MFSD6: variants seen among roughly 807,000 people sequenced by gnomAD.
MFSD6 encodes the protein major facilitator superfamily domain-containing protein 6.
MFSD6 carries 26 observed loss-of-function variants against 56.3 expected under a neutral mutation model. That is an observed-to-expected ratio of 0.46 (90% CI 0.34 to 0.64). MFSD6 has a LOEUF of 0.64. Among genes scored for constraint, MFSD6 ranks in the 30% least tolerant of loss-of-function variants. The pLI, the probability that MFSD6 is intolerant of heterozygous loss-of-function variation, is 0.01. For synonymous variants in MFSD6, 331 were observed against 366.9 expected, an observed-to-expected ratio of 0.90 and a Z score of 1.12; for missense variants, 750 against 986.2, an observed-to-expected ratio of 0.76 and a Z score of 3.21.
chr2:190,414,894 T>A (rs991257970), intron 1 of MFSD6, among the ~76,000 whole-genome samples: 2 of 152,212 alleles, frequency 1.3e-5, no homozygotes, highest in Non-Finnish European at 2.9e-5. Flanking sequence ...CTACATAGAT[T>A]TACAAATATA....
intron 4 of MFSD6, among the ~76,000 whole-genome samples, chr2:190,478,366 G>A (rs558443788): frequency 5.9e-5 from 9 of 152,086 alleles, no homozygotes; most frequent in Non-Finnish European, 1.3e-4. Flanking sequence ...TGAGTGCTGA[G>A]TATTTTGACT....
rs879746751 is a variant in MFSD6, at chr2:190,490,750, G to A, written c.1891+884G>A. ...CAACCAGGAGGATGAAAATATTTTT[G>A]CTCAGTTTTTTGGTCCCAGAACAGA... is the stretch of plus-strand genomic sequence containing the variant. On this transcript the variant is annotated intron_variant, in intron 6 of 7. Transcript: ENST00000392328. This position sits in a 1 kb window ranked among gnomAD's most constrained non-coding sequence, Gnocchi z 4.5. Among the ~76,000 whole-genome samples the A allele has an allele frequency of 8.5e-5, 13 of 152,230 alleles. No individual in the cohort carries two copies. Among genetic ancestry groups the A allele is most frequent in the South Asian group, 8.3e-4 (4 of 4,824 alleles).
At chr2:190,470,917 A>G (rs1450069604) in intron 4 of MFSD6, among the ~76,000 whole-genome samples, 1 of 152,034 alleles carries the variant, frequency 6.6e-6, no homozygotes, top group African/African-American at 2.4e-5. Flanking sequence ...ATATATATAT[A>G]CTTTAAGATG....
At chr2:190,477,343 G>A (rs1688394348) in intron 4 of MFSD6, 1 of 984,108 alleles carries the variant, frequency 1.0e-6, no homozygotes, top group Non-Finnish European at 1.2e-6. Flanking sequence ...TTATTTATTG[G>A]TATGCTACAG....
Position 190,463,508 on chromosome 2 carries a change from A to C in MFSD6, c.1533-6250A>C, listed in dbSNP as rs994875941. Among the ~76,000 whole-genome samples the C allele has an allele frequency of 4.6e-5, 7 of 152,184 alleles. No individual in the cohort carries two copies. The highest frequency in any genetic ancestry group is 1.7e-4 in the African/African-American group (7 of 41,438). On this transcript the variant is annotated intron_variant, in intron 3 of 7. Transcript: ENST00000392328. The surrounding 1 kb of genome is among the most constrained non-coding windows in gnomAD (Gnocchi z 4.4). ...GAAAAAAAAATTTTTTTTAGGGACA[A>C]GTTTATATAGACCATAAAAGGATAA...
chr2:190,438,496 A>G lies in MFSD6; in HGVS notation c.1532+935A>G, dbSNP rs1331262669. On this transcript the variant is annotated intron_variant, in intron 3 of 7. Transcript: ENST00000392328. The surrounding 1 kb of genome is among the most constrained non-coding windows in gnomAD (Gnocchi z 5.2). ...ACACCACTGCACACCAGCCTGGGCAACAGAGTGAGACTCCATCTAAAAAAA... is the reference window on the plus strand; with the variant it reads ...ACACCACTGCACACCAGCCTGGGCAGCAGAGTGAGACTCCATCTAAAAAAA... 6.6e-6 allele frequency among the ~76,000 whole-genome samples: 1 copy of G among 152,214 alleles called. No homozygotes were observed. Among genetic ancestry groups the G allele is most frequent in the Non-Finnish European group, 1.5e-5 (1 of 68,032 alleles).
intron 3 of MFSD6, among the ~76,000 whole-genome samples, chr2:190,466,025 A>G (rs1446949568): frequency 3.3e-5 from 5 of 152,098 alleles, no homozygotes; most frequent in South Asian, 2.1e-4. Flanking sequence ...TCCGAGATCA[A>G]TTGTCCGTAG....
chr2:190,432,707 G>A (rs868705779), intron 2 of MFSD6, among the ~76,000 whole-genome samples: 5 of 152,020 alleles, frequency 3.3e-5, no homozygotes, highest in Non-Finnish European at 5.9e-5. Flanking sequence ...GTGAGCCACC[G>A]CACCTGGCCA....
chr2:190,467,585 C>T lies in MFSD6; in HGVS notation c.1533-2173C>T, dbSNP rs1687672729. ...CCGAGATCGTGCCACTGCTCTCTAGCCTCGGCAACAGAGCGAGACTCTGTC... is the reference window on the plus strand; with the variant it reads ...CCGAGATCGTGCCACTGCTCTCTAGTCTCGGCAACAGAGCGAGACTCTGTC... On this transcript the variant is annotated intron_variant, in intron 3 of 7. Transcript: ENST00000392328. This position sits in a 1 kb window ranked among gnomAD's most constrained non-coding sequence, Gnocchi z 5.5. Among the ~76,000 whole-genome samples the T allele has an allele frequency of 6.6e-6, 1 of 152,108 alleles. No homozygotes were observed. Among genetic ancestry groups the T allele is most frequent in the South Asian group, 2.1e-4 (1 of 4,820 alleles).
In MFSD6 at chr2:190,412,704, C is replaced by A; in HGVS notation, c.-175-2588C>A. ...TAGCTGTCTGTTCCCATTTACTCTA[C>A]TGGCATTTTGGGGGTGAGAGGGGCT... On this transcript the variant is annotated intron_variant, in intron 1 of 7. Transcript: ENST00000392328. The surrounding 1 kb of genome is among the most constrained non-coding windows in gnomAD (Gnocchi z 4.1). 1.2e-6 allele frequency: 1 copy of A among 848,806 alleles called. No homozygotes were observed. The highest frequency in any genetic ancestry group is 1.4e-6 in the Non-Finnish European group (1 of 705,474). 52.6% of individuals were successfully genotyped at this position (848,806 alleles called of 1,614,324 possible).
chr2:190,462,989 G>C lies in MFSD6; in HGVS notation c.1533-6769G>C, dbSNP rs6705571. Among the ~76,000 whole-genome samples the C allele has an allele frequency of 7.7e-3, 1,176 of 152,286 alleles. 12 individuals are homozygous for C. The highest frequency in any genetic ancestry group is 0.026 in the African/African-American group (1,084 of 41,554). On this transcript the variant is annotated intron_variant, in intron 3 of 7. Coordinates refer to ENST00000392328, the MANE Select transcript of MFSD6 (RefSeq NM_017694.4). This position sits in a 1 kb window ranked among gnomAD's most constrained non-coding sequence, Gnocchi z 5.7. ...ATGGGAATCCCAAGGAATGCCAGCT[G>C]TGGTTCTTTCAAACCAGCCAGTCCT...
chr2:190,497,827 G>A lies in MFSD6; in HGVS notation c.2172+108G>A, dbSNP rs541671010. ...ATTCAACAAGATTTATTGAAAGTCT[G>A]GTGGGGGAAATAGACATGCAAACAA... On this transcript the variant is annotated intron_variant, in intron 7 of 7. Coordinates refer to ENST00000392328, the MANE Select transcript of MFSD6 (RefSeq NM_017694.4). This position sits in a 1 kb window ranked among gnomAD's most constrained non-coding sequence, Gnocchi z 5.2. 4.9e-5 allele frequency: 65 copies of A among 1,327,348 alleles called. 2 individuals are homozygous for A. The South Asian group carries it at 8.9e-4, about 18-fold the overall frequency. The allele number at this position is 1,327,348 out of a possible 1,614,324, so 82.2% of individuals were successfully genotyped here.
intron 4 of MFSD6, among the ~76,000 whole-genome samples, chr2:190,476,989 G>C (rs1281614562): frequency 1.4e-5 from 2 of 145,810 alleles, no homozygotes; most frequent in Admixed American, 1.4e-4. Flanking sequence ...TCACTCATAG[G>C]TGGGAATTGA....
intron 4 of MFSD6, among the ~76,000 whole-genome samples, chr2:190,472,751 C>T (rs1432327798): frequency 1.3e-5 from 2 of 152,124 alleles, no homozygotes; most frequent in Non-Finnish European, 2.9e-5. Context: ...CAAAGATACT[C>T]CTCGAGAAGA....
rs1171841580 is a variant in MFSD6, at chr2:190,425,659, T to A, written c.-54+10246T>A. On this transcript the variant is annotated intron_variant, in intron 2 of 7. Coordinates refer to ENST00000392328, the MANE Select transcript of MFSD6 (RefSeq NM_017694.4). This position sits in a 1 kb window ranked among gnomAD's most constrained non-coding sequence, Gnocchi z 4.3. ...AACATGGTAGATTGAATTGACTGAC[T>A]TTGAAATATTGCATCAGCCTTGTAT... 6.6e-6 allele frequency among the ~76,000 whole-genome samples: 1 copy of A among 152,232 alleles called. No homozygotes were observed. The highest frequency in any genetic ancestry group is 1.5e-5 in the Non-Finnish European group (1 of 68,036).
rs548948381 is a variant in MFSD6 at position 190,494,338 on chromosome 2, G to A, written c.1892-3101G>A. The stretch of plus-strand genomic sequence containing the variant: ...AACCCTGAACAGACAACTAAGTAGT[G>A]AGACTGAATCAGTAATAAAAAAATT... On this transcript the variant is annotated intron_variant, in intron 6 of 7. Transcript: ENST00000392328. The surrounding 1 kb of genome is among the most constrained non-coding windows in gnomAD (Gnocchi z 5.7). Among the ~76,000 whole-genome samples the A allele has an allele frequency of 1.2e-4, 18 of 152,112 alleles. No individual in the cohort carries two copies. The highest frequency in any genetic ancestry group is 2.7e-4 in the Non-Finnish European group (18 of 67,918).
chr2:190,473,485 A>G (rs575525813), intron 4 of MFSD6, among the ~76,000 whole-genome samples: 83 of 152,368 alleles, frequency 5.4e-4, no homozygotes, highest in Non-Finnish European at 9.3e-4. Flanking sequence ...AGGCCATTAC[A>G]TAATGGTAAA....
intron 3 of MFSD6, among the ~76,000 whole-genome samples, chr2:190,450,616 C>T (rs1686745689): frequency 6.6e-6 from 1 of 151,196 alleles, no homozygotes; most frequent in South Asian, 2.1e-4. Context: ...CCCCAGCCTC[C>T]CAAGTAGCAC....
At chr2:190,411,690 T>G (rs546980733) in intron 1 of MFSD6, 1 of 985,368 alleles carries the variant, frequency 1.0e-6, no homozygotes, top group South Asian at 4.7e-5. Flanking sequence ...GGAAGTGAAA[T>G]GAGACTCAGG....
Sources: allele counts gnomAD v4.1 joint callset (sites outside exome capture counted in the v4.1 genomes callset), GRCh38; gene constraint gnomAD v4.1.1; non-coding constraint Gnocchi (gnomAD v3.1); transcripts MANE v1.5; gene names NCBI Gene and HGNC (gene_info 2026-07-23, HGNC 2026-07-21).